AEBP1: variants seen among roughly 807,000 people sequenced by gnomAD.
AEBP1 encodes adipocyte enhancer-binding protein 1.
Under a neutral mutation model 116.5 loss-of-function variants are expected in AEBP1, and 69 were observed. The ratio of observed to expected loss-of-function variants is 0.59; its 90% CI spans 0.49 to 0.72. The LOEUF (loss-of-function observed/expected upper bound fraction) is 0.72, where lower values mean the gene tolerates loss of function less well. AEBP1 is among the 30% of genes least tolerant of loss of function. The pLI is 0.00. For synonymous variants in AEBP1, 627 were observed against 627.3 expected (o/e 1.00, Z 0.01); for missense variants, 1,444 against 1,557.5 (o/e 0.93, Z 1.23).
In AEBP1 at chr7:44,114,091, A is replaced by G. The variant is rs1583557706; in HGVS notation, c.3307A>G (p.Thr1103Ala). The change falls in exon 21 of 21, where the codon ACC becomes GCC. Residue 1103 changes from threonine to alanine, a missense_variant. Thr to Ala is a moderately conservative substitution (Grantham distance 58, BLOSUM62 0). Transcript: ENST00000223357. The stretch of plus-strand genomic sequence containing the variant: ...GACCGAGGTGGAGCCCGAGTTTGGG[A>G]CCAAGGTGGAGCCCGAGTTTGAGAC... Reference protein sequence around the residue: ...FGTEVEPEFGTKVEPEFETQL... With the variant: ...FGTEVEPEFGAKVEPEFETQL... The G allele has an allele frequency of 3.1e-6, 5 of 1,613,588 alleles. No homozygotes were observed. The East Asian group carries it at 1.1e-4, about 36-fold the overall frequency.
At position 44,111,335 on chromosome 7, in the gene AEBP1, G is replaced by A. The variant is rs989072058; in HGVS notation, c.1716+96G>A. 34 of 1,412,800 alleles carry A rather than the reference G, an allele frequency of 2.4e-5. No homozygotes were observed. The Admixed American group carries it at 7.8e-4, about 32-fold the overall frequency. The allele number at this position is 1,412,800 out of a possible 1,614,324, so 87.5% of individuals were successfully genotyped here. On this transcript the variant is annotated intron_variant, in intron 14 of 20. Transcript: ENST00000223357. The surrounding 1 kb of genome is among the most constrained non-coding windows in gnomAD (Gnocchi z 4.7). ...TCTGTCACTGGGCCCAGTCCCTACT[G>A]GTTCCAGGGATGCTGGCTGTCCCTC...
intron 1 of AEBP1, 126 bp from the exon 2 acceptor site, chr7:44,106,420 A>T: frequency 9.3e-7 from 1 of 1,069,564 alleles, no homozygotes; most frequent in Non-Finnish European, 1.4e-6. Flanking sequence ...TTAACCTCTC[A>T]GTTTGCTGAT....
chr7:44,106,123 A>G, intron 1 of AEBP1: 2 of 464,040 alleles, frequency 4.3e-6, no homozygotes, highest in South Asian at 1.5e-5. Flanking sequence ...TCTTGGGCCC[A>G]TGTCCCTTCC....
rs75107445 is a variant in AEBP1, at chr7:44,106,552, C to T, written c.260C>T (p.Pro87Leu). ...KRPGTAAEVP[P>L]EKTKDKGKKG... Reference sequence around the variant, plus strand: ...GAGTCTGCATCTTGGACAGTGCCTCCGGAAAAGACCAAAGACAAAGGGAAG... The same window carrying T: ...GAGTCTGCATCTTGGACAGTGCCTCTGGAAAAGACCAAAGACAAAGGGAAG... Residue 87 changes from proline to leucine, a missense_variant, in exon 2 of 21, where the codon CCG (proline) becomes CTG (leucine). By Grantham distance (98) the Pro-to-Leu change is moderately conservative. Transcript: ENST00000223357. 334 of 1,595,248 alleles carry T rather than the reference C, an allele frequency of 2.1e-4. 1 individual carries two copies. In the African/African-American group the frequency reaches 3.8e-3, roughly 18 times the overall value.
intron 1 of AEBP1, among the ~76,000 whole-genome samples, chr7:44,105,790 A>T (rs1030959019): frequency 1.3e-5 from 2 of 151,652 alleles, no homozygotes; most frequent in African/African-American, 4.8e-5. Context: ...AACTTCCCTC[A>T]TGCTCCCCAC....
Position 44,109,302 on chromosome 7 carries a change from G to A in AEBP1, c.1111G>A (p.Glu371Lys), listed in dbSNP as rs765171093. 9 of 1,608,266 alleles carry A rather than the reference G, an allele frequency of 5.6e-6. No individual in the cohort carries two copies. The highest frequency in any genetic ancestry group is 1.1e-5 in the South Asian group (1 of 90,464). ...ATTGTCCCTAGAGCCCCGAAAGGGC[G>A]AGGAGTTGGAGGAGGAGTGGACGCC... ...GKDHKEPRKG[E>K]ELEEEWTPTE... The change falls in exon 9 of 21, where the codon GAG becomes AAG. Residue 371 changes from glutamate to lysine, a missense_variant. Transcript: ENST00000223357.
At position 44,112,984 on chromosome 7, in the gene AEBP1, C is replaced by T. The variant is rs1344324188; in HGVS notation, c.2570-7C>T. 1.2e-6 allele frequency: 2 copies of T among 1,613,926 alleles called. No homozygotes were observed. Among genetic ancestry groups the T allele is most frequent in the Non-Finnish European group, 1.7e-6 (2 of 1,179,948 alleles). On this transcript the variant is annotated splice_polypyrimidine_tract_variant and splice_region_variant and intron_variant, in intron 18 of 20. Coordinates refer to ENST00000223357, the MANE Select transcript of AEBP1 (RefSeq NM_001129.5). The surrounding 1 kb of genome is among the most constrained non-coding windows in gnomAD (Gnocchi z 6.6). ...CTGACTTTGGGTCTGTATCTGTCCC[C>T]GGCCAGCTATCAATGACTTCAGTTA...
At chr7:44,109,526 G>A (rs1385674698) in intron 9 of AEBP1, 185 bp downstream of exon 9, 8 of 692,032 alleles carry the variant, frequency 1.2e-5, no homozygotes, top group Non-Finnish European at 1.9e-5. Context: ...CCCAGCCCTG[G>A]ACCCCAGGCT....
In AEBP1 at chr7:44,111,156, G is replaced by C. The variant is rs143744776; in HGVS notation, c.1633G>C (p.Val545Leu). Residue 545 changes from valine to leucine, a missense_variant and splice_region_variant, in exon 14 of 21, where the codon GTC becomes CTC. Transcript: ENST00000223357. The surrounding 1 kb of genome is among the most constrained non-coding windows in gnomAD (Gnocchi z 4.7). ...LEVLGCSVAP[V>L]YSYYAQNEVV... ...AGACAACCCCGCCTCCCTTGCAGCTGTCTACAGCTACTACGCACAGAATGA... is the reference window on the plus strand; with the variant it reads ...AGACAACCCCGCCTCCCTTGCAGCTCTCTACAGCTACTACGCACAGAATGA... The C allele has an allele frequency of 5.0e-5, 77 of 1,549,760 alleles. No individual in the cohort carries two copies. The highest frequency in any genetic ancestry group is 9.6e-5 in the African/African-American group (7 of 73,230).
In AEBP1 at chr7:44,109,327, C is replaced by T. The variant is rs2096226385; in HGVS notation, c.1136C>T (p.Pro379Leu). The T allele has an allele frequency of 6.3e-7, 1 of 1,592,654 alleles. No individual in the cohort carries two copies. ...KGEELEEEWT[P>L]TEKVKCPPIG... ...GAGGAGTTGGAGGAGGAGTGGACGC[C>T]TACGGAGAAAGTCAGTAAGTGGGGG... Residue 379 changes from proline (P) to leucine (L), a missense_variant, in exon 9 of 21, where the codon CCT becomes CTT. By Grantham distance (98) the Pro-to-Leu change is moderately conservative. Coordinates refer to ENST00000223357, the MANE Select transcript of AEBP1 (RefSeq NM_001129.5).
chr7:44,104,558 C>G lies in AEBP1; in HGVS notation c.-108C>G. On this transcript the variant is annotated 5_prime_UTR_variant, in exon 1 of 21. Transcript: ENST00000223357. ...GCTCACCCCATCCTCTCTCCCGCCCCTTCCTGGATTCCCTCACCCGTCTCG... is the reference window on the plus strand; with the variant it reads ...GCTCACCCCATCCTCTCTCCCGCCCGTTCCTGGATTCCCTCACCCGTCTCG... The G allele has an allele frequency of 1.4e-6, 1 of 717,640 alleles. No homozygotes were observed. The highest frequency in any genetic ancestry group is 2.4e-5 in the South Asian group (1 of 41,602). 44.5% of individuals were successfully genotyped at this position (717,640 alleles called of 1,614,324 possible).
Position 44,110,162 on chromosome 7 carries a change from A to C in AEBP1, c.1260+38A>C, listed in dbSNP as rs747777113. ...ATGGGCCCATCTCCCAACTGGGATA[A>C]GGGACTCCTCCGCCCATGCTCAGCC... On this transcript the variant is annotated intron_variant, in intron 10 of 20. Transcript: ENST00000223357. The C allele has an allele frequency of 4.3e-6, 7 of 1,613,224 alleles. No homozygotes were observed. The South Asian group carries it at 5.5e-5, about 13-fold the overall frequency.
At position 44,110,189 on chromosome 7, in the gene AEBP1, C is replaced by T; in HGVS notation, c.1261-18C>T. 1 of 1,613,494 alleles carries T rather than the reference C, an allele frequency of 6.2e-7. No homozygotes were observed. Among genetic ancestry groups the T allele is most frequent in the Non-Finnish European group, 8.5e-7 (1 of 1,179,994 alleles). ...GGACTCCTCCGCCCATGCTCAGCCTCCCCTGCCCCCTGGACAGACCGGTGC... is the reference window on the plus strand; with the variant it reads ...GGACTCCTCCGCCCATGCTCAGCCTTCCCTGCCCCCTGGACAGACCGGTGC... On this transcript the variant is annotated intron_variant, in intron 10 of 20. Transcript: ENST00000223357.
chr7:44,112,551 ACT>A lies in AEBP1; in HGVS notation c.2218-5_2218-4del, dbSNP rs756725650. 1.2e-5 allele frequency: 19 copies of A among 1,570,622 alleles called. No homozygotes were observed. Among genetic ancestry groups the A allele is most frequent in the Non-Finnish European group, 1.6e-5 (19 of 1,153,798 alleles). ...AGCCCTGGCCTCACACGTGCTGGCCACTCCAGGTATCCACGGAGGTCCGGGCC... is the reference window on the plus strand; with the variant it reads ...AGCCCTGGCCTCACACGTGCTGGCCACCAGGTATCCACGGAGGTCCGGGCC... On this transcript the variant is annotated splice_polypyrimidine_tract_variant and splice_region_variant and intron_variant, in intron 17 of 20. Coordinates refer to ENST00000223357, the MANE Select transcript of AEBP1 (RefSeq NM_001129.5). The surrounding 1 kb of genome is among the most constrained non-coding windows in gnomAD (Gnocchi z 6.6).
chr7:44,108,970 G>T lies in AEBP1; in HGVS notation c.1012G>T (p.Glu338Ter), dbSNP rs1326373011. Residue 338 changes from glutamate to a stop codon, truncating the protein, a stop_gained, in exon 7 of 21, where the codon GAG becomes TAG. Coordinates refer to ENST00000223357, the MANE Select transcript of AEBP1 (RefSeq NM_001129.5). LOFTEE classifies it high-confidence loss of function. This position sits in a 1 kb window ranked among gnomAD's most constrained non-coding sequence, Gnocchi z 5.0. The part of the protein sequence containing the change: ...AERQTDEEKE[E>*]LKKPKKEDSS... ...GCGCCAGACAGACGAAGAGAAGGAG[G>T]AGCTGAGTGAGTGGGACCAAGGACT... The T allele has an allele frequency of 3.1e-6, 5 of 1,604,944 alleles. No individual in the cohort carries two copies. Among genetic ancestry groups the T allele is most frequent in the African/African-American group, 1.3e-5 (1 of 74,808 alleles).
Position 44,104,669 on chromosome 7 carries a change from G to A in AEBP1, c.4G>A (p.Ala2Thr), listed in dbSNP as rs902326529. 6.7e-7 allele frequency: 1 copy of A among 1,501,642 alleles called. No homozygotes were observed. Among genetic ancestry groups the A allele is most frequent in the African/African-American group, 1.4e-5 (1 of 69,108 alleles). The allele number at this position is 1,501,642 out of a possible 1,614,324, so 93.0% of individuals were successfully genotyped here. A position where few individuals can be genotyped will look rare whatever the true frequency, so the allele number is the denominator to read the frequency against. The change falls in exon 1 of 21, where the codon GCG becomes ACG. Residue 2 changes from alanine to threonine, a missense_variant. Coordinates refer to ENST00000223357, the MANE Select transcript of AEBP1 (RefSeq NM_001129.5). M[A>T]AVRGAPLLSC... ...GCCCCCCGCGCGTGCCGCGGCCATG[G>A]CGGCCGTGCGCGGGGCGCCCCTGCT...
At position 44,112,205 on chromosome 7, in the gene AEBP1, G is replaced by A. The variant is rs1259084830; in HGVS notation, c.2101G>A (p.Asp701Asn). Reference protein sequence around the residue: ...WTEEGFDIFEDFPDLNSVLWG... With the variant: ...WTEEGFDIFENFPDLNSVLWG... The stretch of plus-strand genomic sequence containing the variant: ...TGAGGAGGGCTTTGACATCTTTGAA[G>A]ATTTCCCGGATCTCAACTCTGTGCT... The change falls in exon 17 of 21, where the codon GAT becomes AAT. Residue 701 changes from aspartate (D) to asparagine (N), a missense_variant. Physicochemically the swap from Asp to Asn is conservative, Grantham distance 23. Coordinates refer to ENST00000223357, the MANE Select transcript of AEBP1 (RefSeq NM_001129.5). The surrounding 1 kb of genome is among the most constrained non-coding windows in gnomAD (Gnocchi z 6.6). 6.2e-7 allele frequency: 1 copy of A among 1,609,526 alleles called. No homozygotes were observed.
rs760144578 is a variant in AEBP1, at chr7:44,111,998, T to A, written c.1985T>A (p.Ile662Asn). ...CGCAGCCTGGTGCAGGACACACGCA[T>A]CCACCTGGTGCCCTCACTGAACCCT... Reference protein sequence around the residue: ...RVRSLVQDTRIHLVPSLNPDG... With the variant: ...RVRSLVQDTRNHLVPSLNPDG... The change falls in exon 16 of 21, where the codon ATC (isoleucine) becomes AAC (asparagine). Residue 662 changes from isoleucine (I) to asparagine (N), a missense_variant. Coordinates refer to ENST00000223357, the MANE Select transcript of AEBP1 (RefSeq NM_001129.5). The surrounding 1 kb of genome is among the most constrained non-coding windows in gnomAD (Gnocchi z 4.7). 1 of 1,613,768 alleles carries A rather than the reference T, an allele frequency of 6.2e-7. No homozygotes were observed. Among genetic ancestry groups the A allele is most frequent in the Non-Finnish European group, 8.5e-7 (1 of 1,179,996 alleles).
In AEBP1 at chr7:44,104,654, C is replaced by T; in HGVS notation, c.-12C>T. On this transcript the variant is annotated 5_prime_UTR_variant, in exon 1 of 21. Transcript: ENST00000223357. ...CGCGCCCTCCCCGGAGCCCCCCGCG[C>T]GTGCCGCGGCCATGGCGGCCGTGCG... 1 of 1,453,848 alleles carries T rather than the reference C, an allele frequency of 6.9e-7. No individual in the cohort carries two copies. Among genetic ancestry groups the T allele is most frequent in the Non-Finnish European group, 9.0e-7 (1 of 1,109,130 alleles). 90.1% of individuals were successfully genotyped at this position (1,453,848 alleles called of 1,614,324 possible). A position where few individuals can be genotyped will look rare whatever the true frequency, so the allele number is the denominator to read the frequency against.
Sources: gnomAD v4.1 joint callset for allele counts (sites outside exome capture counted in the v4.1 genomes callset) on GRCh38, gnomAD v4.1.1 for gene constraint, Gnocchi (gnomAD v3.1) non-coding constraint, MANE v1.5 for transcripts, NCBI Gene and HGNC (gene_info 2026-07-23, HGNC 2026-07-21) for gene names.